Variants in CELF2 observed in about 807,000 individuals in gnomAD.
CELF2 encodes CUG triplet repeat RNA-binding protein 2.
In CELF2, 8 loss-of-function variants were observed where a neutral mutation model predicts 62.6. That is an observed-to-expected ratio of 0.13 (90% CI 0.07 to 0.23). The LOEUF (loss-of-function observed/expected upper bound fraction) is 0.23, where lower values mean the gene tolerates loss of function less well. CELF2 is among the 10% of genes least tolerant of loss of function. The probability of loss-of-function intolerance (pLI) is 1.00; values close to 1 mark genes in which losing one functional copy is unlikely to be tolerated. For missense variants in CELF2, 333 were observed against 671.0 expected, an observed-to-expected ratio of 0.50 and a Z score of 5.56; for synonymous variants, 258 against 250.0, an observed-to-expected ratio of 1.03 and a Z score of -0.30.
the CELF2 span, among the ~76,000 whole-genome samples, chr10:10,673,490 G>A: frequency 2.0e-5 from 3 of 151,788 alleles, no homozygotes; most frequent in Admixed American, 2.0e-4. Context: ...ACCAGCTTTT[G>A]GTTTTGTTGA....
rs998780139 is a variant in CELF2 at position 11,214,784 on chromosome 10, A to G, written c.272-2641A>G. On this transcript the variant is annotated intron_variant, in intron 2 of 12. Transcript: ENST00000633077. The surrounding 1 kb of genome is among the most constrained non-coding windows in gnomAD (Gnocchi z 4.2). The stretch of plus-strand genomic sequence containing the variant: ...ATGAGTGTACACTTTTAACTGAAAC[A>G]CTTAAGAACTATGCATAGTTGGAAG... 6.6e-6 allele frequency among the ~76,000 whole-genome samples: 1 copy of G among 152,234 alleles called. No individual in the cohort carries two copies. Among genetic ancestry groups the G allele is most frequent in the Admixed American group, 6.5e-5 (1 of 15,292 alleles).
the CELF2 span, among the ~76,000 whole-genome samples, chr10:10,724,937 A>AT: frequency 1.4e-5 from 2 of 141,028 alleles, no homozygotes; most frequent in African/African-American, 5.2e-5. Flanking sequence ...AGGGGGCATG[A>AT]TTTTTAGTTG....
chr10:11,010,527 G>T lies in CELF2; in HGVS notation c.53+5087G>T, dbSNP rs934866130. ...TACACTAACTGGTTACTTTGATCTTGTATAATTTAATCCTCAGATATCCAA... is the reference window on the plus strand; with the variant it reads ...TACACTAACTGGTTACTTTGATCTTTTATAATTTAATCCTCAGATATCCAA... On this transcript the variant is annotated intron_variant, in intron 1 of 12. Coordinates refer to the CELF2 transcript ENST00000416382. The surrounding 1 kb of genome is among the most constrained non-coding windows in gnomAD (Gnocchi z 4.1). 1.3e-5 allele frequency among the ~76,000 whole-genome samples: 2 copies of T among 152,124 alleles called. No homozygotes were observed. Among genetic ancestry groups the T allele is most frequent in the Admixed American group, 6.5e-5 (1 of 15,270 alleles).
intron 2 of CELF2, among the ~76,000 whole-genome samples, chr10:11,198,201 G>A (rs1312621487): frequency 6.6e-6 from 1 of 152,166 alleles, no homozygotes; most frequent in Non-Finnish European, 1.5e-5. Context: ...ATTATCTCCT[G>A]GTGTTCCAGC....
At chr10:10,905,823 A>T (rs1199869147) in intron 1 of CELF2, among the ~76,000 whole-genome samples, 1 of 151,800 alleles carries the variant, frequency 6.6e-6, no homozygotes, top group African/African-American at 2.4e-5. Flanking sequence ...GCTTGCAGTG[A>T]GCCAAGGTCA....
the CELF2 span, among the ~76,000 whole-genome samples, chr10:10,739,338 T>C: frequency 2.0e-5 from 3 of 152,210 alleles, no homozygotes; most frequent in African/African-American, 4.8e-5. Flanking sequence ...TGATGTTTCA[T>C]TGAAATCTTC....
At chr10:10,888,508 G>A (rs2061915601) in intron 1 of CELF2, among the ~76,000 whole-genome samples, 1 of 152,172 alleles carries the variant, frequency 6.6e-6, no homozygotes, top group East Asian at 1.9e-4. Flanking sequence ...ACTAACAAAT[G>A]GAAAACAGAG....
chr10:10,473,512 C>T, the CELF2 span, among the ~76,000 whole-genome samples: 2 of 151,970 alleles, frequency 1.3e-5, no homozygotes, highest in African/African-American at 2.4e-5. Flanking sequence ...GTTACATATA[C>T]CCTTAGCAAG....
chr10:10,675,023 C>G, the CELF2 span, among the ~76,000 whole-genome samples: 1 of 152,124 alleles, frequency 6.6e-6, no homozygotes, highest in Non-Finnish European at 1.5e-5. Context: ...ATACTGTTAC[C>G]TGTTAGATAA....
At chr10:11,161,823 T>C (rs1452092922) in intron 1 of CELF2, among the ~76,000 whole-genome samples, 1 of 152,224 alleles carries the variant, frequency 6.6e-6, no homozygotes, top group Non-Finnish European at 1.5e-5. Flanking sequence ...TTGGGGTGTC[T>C]ATTCCTGTAA....
At chr10:10,571,218 A>G in the CELF2 span, among the ~76,000 whole-genome samples, 2 of 152,216 alleles carry the variant, frequency 1.3e-5, no homozygotes, top group Non-Finnish European at 2.9e-5. Context: ...GAAAAGCAAA[A>G]TATTCAGACA....
intron 2 of CELF2, among the ~76,000 whole-genome samples, chr10:10,955,239 G>A (rs1010282422): frequency 2.4e-4 from 36 of 152,178 alleles, no homozygotes; most frequent in Admixed American, 2.0e-3. Context: ...TTGCAAAGCC[G>A]GTATTTGAAC....
At chr10:10,669,052 C>G in the CELF2 span, among the ~76,000 whole-genome samples, 2 of 152,144 alleles carry the variant, frequency 1.3e-5, no homozygotes, top group African/African-American at 4.8e-5. Context: ...TTAACTTTAC[C>G]TCTATCACAA....
rs1359552677 is a variant in CELF2 at position 11,242,172 on chromosome 10, T to C, written c.355-6981T>C. Among the ~76,000 whole-genome samples, 1 of 152,088 alleles carries C rather than the reference T, an allele frequency of 6.6e-6. No homozygotes were observed. The highest frequency in any genetic ancestry group is 2.4e-5 in the African/African-American group (1 of 41,390). On this transcript the variant is annotated intron_variant, in intron 3 of 12. Coordinates refer to ENST00000633077, the MANE Select transcript of CELF2 (RefSeq NM_001326342.2). This position sits in a 1 kb window ranked among gnomAD's most constrained non-coding sequence, Gnocchi z 4.8. ...CTAGCACGGCTGCTCTCTCCAGGGG[T>C]CAGGATGGGTTTAATAATGAGATGC...
the CELF2 span, among the ~76,000 whole-genome samples, chr10:10,725,096 T>G: frequency 6.6e-6 from 1 of 152,248 alleles, no homozygotes; most frequent in African/African-American, 2.4e-5. Context: ...ACTTTAGCTT[T>G]TTACCAGTAT....
rs1346635973 is a variant in CELF2, at chr10:11,316,391, A to C, written c.1096+2133A>C. Among the ~76,000 whole-genome samples the C allele has an allele frequency of 6.6e-6, 1 of 152,238 alleles. No individual in the cohort carries two copies. Among genetic ancestry groups the C allele is most frequent in the Admixed American group, 6.5e-5 (1 of 15,284 alleles). The stretch of plus-strand genomic sequence containing the variant: ...TGTTACTAATGCAGAGCCGTTTTAC[A>C]ATCTCCAGCATTGACCTCGAGCTAA... On this transcript the variant is annotated intron_variant, in intron 10 of 12. Transcript: ENST00000633077. The surrounding 1 kb of genome is among the most constrained non-coding windows in gnomAD (Gnocchi z 4.4).
intron 1 of CELF2, among the ~76,000 whole-genome samples, chr10:11,136,613 A>G (rs541461347): frequency 6.6e-6 from 1 of 152,316 alleles, no homozygotes; most frequent in South Asian, 2.1e-4. Flanking sequence ...TCAAAAATAA[A>G]TAAATTAATA....
the CELF2 span, among the ~76,000 whole-genome samples, chr10:10,525,730 C>T: frequency 1.3e-4 from 20 of 152,138 alleles, no homozygotes; most frequent in African/African-American, 3.4e-4. Flanking sequence ...ATTCATCCAC[C>T]GATGGTCACT....
At chr10:10,547,692 A>AGTGTGT in the CELF2 span, among the ~76,000 whole-genome samples, 373 of 138,094 alleles carry the variant, frequency 2.7e-3, no homozygotes, top group African/African-American at 6.4e-3. Flanking sequence ...AGAGAGAGAG[A>AGTGTGT]GTGTGTGTGT....
Sources: gnomAD v4.1 joint callset for allele counts (sites outside exome capture counted in the v4.1 genomes callset) on GRCh38, gnomAD v4.1.1 for gene constraint, Gnocchi (gnomAD v3.1) non-coding constraint, MANE v1.5 for transcripts, NCBI Gene and HGNC (gene_info 2026-07-23, HGNC 2026-07-21) for gene names.